The following CNTNAP4 variants were observed in gnomAD, a reference collection of about 807,000 sequenced individuals.
CNTNAP4 encodes the protein contactin associated protein family member 4, also known as contactin-associated protein-like 4.
A neutral mutation model predicts 148.4 loss-of-function variants in CNTNAP4; 98 were observed. That is an observed-to-expected ratio of 0.66 (90% CI 0.56 to 0.78). The LOEUF (loss-of-function observed/expected upper bound fraction) is 0.78. Ranked by LOEUF, CNTNAP4 falls within the 30% of genes least tolerant of loss-of-function variation. CNTNAP4 has a pLI of 0.00. For missense variants in CNTNAP4, 1,935 were observed against 1,565.6 expected, an observed-to-expected ratio of 1.24 and a Z score of -3.98; for synonymous variants, 730 against 565.1, an observed-to-expected ratio of 1.29 and a Z score of -4.14.
chr16:76,438,681 A>G (rs1021805728), intron 4 of CNTNAP4, among the ~76,000 whole-genome samples: 1 of 152,002 alleles, frequency 6.6e-6, no homozygotes, highest in African/African-American at 2.4e-5. Flanking sequence ...CCAGCTCGCC[A>G]CTGTCTCTCC....
intron 1 of CNTNAP4, among the ~76,000 whole-genome samples, chr16:76,298,690 G>C (rs889869191): frequency 6.6e-6 from 1 of 152,114 alleles, no homozygotes; most frequent in African/African-American, 2.4e-5. Flanking sequence ...AGCTCTCCAA[G>C]GGCTCAGTTG....
intron 2 of CNTNAP4, among the ~76,000 whole-genome samples, chr16:76,350,600 T>G (rs1240152020): frequency 6.6e-6 from 1 of 152,198 alleles, no homozygotes; most frequent in Non-Finnish European, 1.5e-5. Flanking sequence ...TTACAAAATT[T>G]TTTCAAAGCT....
rs1385114846 is a variant in CNTNAP4, at chr16:76,553,891, C to T, written c.3717C>T (p.Asp1239=). The change falls in exon 23 of 24, where the codon GAC becomes GAT. Residue 1239 remains aspartate, a synonymous_variant. Transcript: ENST00000611870. ...CCCTTGCTAATGCAATCAAAAGTGA[C>T]TCTGCAGTAATTGGAGGTAATAAGA... ...REPLANAIKS[D]SAVIGGLIAV... 6 of 1,605,758 alleles carry T rather than the reference C, an allele frequency of 3.7e-6. No homozygotes were observed. In the African/African-American group the frequency reaches 8.0e-5, roughly 21 times the overall value.
chr16:76,314,901 A>T (rs765982119), intron 1 of CNTNAP4, among the ~76,000 whole-genome samples: 7 of 151,046 alleles, frequency 4.6e-5, no homozygotes, highest in African/African-American at 9.7e-5. Context: ...TATAATTTTC[A>T]TTTTTTTTTG....
At chr16:76,493,577 A>G (rs903048936) in intron 13 of CNTNAP4, among the ~76,000 whole-genome samples, 29 of 152,102 alleles carry the variant, frequency 1.9e-4, no homozygotes, top group Non-Finnish European at 3.4e-4. Flanking sequence ...TGAAATTTAG[A>G]TGTGGGAATA....
Position 76,455,115 on chromosome 16 carries a change from G to A in CNTNAP4, c.1333+2346G>A, listed in dbSNP as rs147191269. 1.2e-4 allele frequency among the ~76,000 whole-genome samples: 18 copies of A among 152,254 alleles called. No individual in the cohort carries two copies. In the East Asian group the frequency reaches 3.5e-3, roughly 29 times the overall value. On this transcript the variant is annotated intron_variant, in intron 8 of 23. Coordinates refer to ENST00000611870, the MANE Select transcript of CNTNAP4 (RefSeq NM_033401.5). The stretch of plus-strand genomic sequence containing the variant: ...AACACATTATATTAGTATAAATCAT[G>A]AAACATATTAGCATCACTATAAAAT...
chr16:76,418,629 C>T (rs1371485773), intron 3 of CNTNAP4, among the ~76,000 whole-genome samples: 1 of 151,690 alleles, frequency 6.6e-6, no homozygotes, highest in Non-Finnish European at 1.5e-5. Context: ...GACCCCTTAG[C>T]ATATCAATCA....
intron 4 of CNTNAP4, among the ~76,000 whole-genome samples, chr16:76,446,863 T>C (rs968693639): frequency 6.6e-6 from 1 of 152,116 alleles, no homozygotes; most frequent in Non-Finnish European, 1.5e-5. Flanking sequence ...TTTTGAGATA[T>C]CAAAACCACT....
In CNTNAP4 at chr16:76,540,783, G is replaced by T. The variant is rs1160837870; in HGVS notation, c.3435G>T (p.Arg1145Ser). 3.8e-6 allele frequency: 6 copies of T among 1,562,834 alleles called. No homozygotes were observed. The highest frequency in any genetic ancestry group is 1.9e-5 in the Admixed American group (1 of 53,492). Reference sequence around the variant, plus strand: ...CAGTCAAATCTCTGGTATTGGGCAGGATTTTAGGTAAGTGAAAGAAACAAC... The same window carrying T: ...CAGTCAAATCTCTGGTATTGGGCAGTATTTTAGGTAAGTGAAAGAAACAAC... ...FSAVKSLVLG[R>S]ILEHSDVDQD... Residue 1145 changes from arginine to serine, a missense_variant, in exon 21 of 24, where the codon AGG (arginine) becomes AGT (serine). Coordinates refer to ENST00000611870, the MANE Select transcript of CNTNAP4 (RefSeq NM_033401.5).
intron 1 of CNTNAP4, among the ~76,000 whole-genome samples, chr16:76,301,016 G>C (rs546176376): frequency 1.6e-3 from 235 of 151,530 alleles, no homozygotes; most frequent in African/African-American, 5.5e-3. Flanking sequence ...TACATACTTG[G>C]TCAGTTTAAC....
intron 1 of CNTNAP4, among the ~76,000 whole-genome samples, chr16:76,280,160 C>G (rs1356896844): frequency 6.6e-6 from 1 of 152,126 alleles, no homozygotes; most frequent in African/African-American, 2.4e-5. Flanking sequence ...GACTTTTCCC[C>G]TTTATTTACA....
intron 17 of CNTNAP4, among the ~76,000 whole-genome samples, chr16:76,529,696 G>C (rs1033965060): frequency 6.6e-6 from 1 of 152,176 alleles, no homozygotes; most frequent in African/African-American, 2.4e-5. Flanking sequence ...GACATAGTCA[G>C]AAGTAACTTG....
intron 13 of CNTNAP4, among the ~76,000 whole-genome samples, chr16:76,492,681 G>A (rs1179231043): frequency 1.3e-5 from 2 of 152,176 alleles, no homozygotes; most frequent in Non-Finnish European, 1.5e-5. Context: ...TAAGTCTCAT[G>A]AGATCTTATG....
chr16:76,410,445 A>C (rs1365222861), intron 3 of CNTNAP4, among the ~76,000 whole-genome samples: 1 of 151,642 alleles, frequency 6.6e-6, no homozygotes, highest in African/African-American at 2.4e-5. Context: ...TATGTGAGCC[A>C]TTTACTGGTT....
chr16:76,314,003 T>A (rs933929036), intron 1 of CNTNAP4, among the ~76,000 whole-genome samples: 2 of 152,170 alleles, frequency 1.3e-5, no homozygotes, highest in Non-Finnish European at 2.9e-5. Flanking sequence ...GCTGAATAAA[T>A]TAAACATGTA....
intron 9 of CNTNAP4, among the ~76,000 whole-genome samples, chr16:76,465,077 A>T (rs1213583661): frequency 6.6e-6 from 1 of 152,140 alleles, no homozygotes; most frequent in Non-Finnish European, 1.5e-5. Context: ...CAATGAACTG[A>T]CTACAGCACT....
In CNTNAP4 at chr16:76,553,435, G is replaced by C. The variant is rs531434558; in HGVS notation, c.3595G>C (p.Glu1199Gln). The change falls in exon 22 of 24, where the codon GAG (glutamate) becomes CAG (glutamine). Residue 1199 changes from glutamate to glutamine, a missense_variant. Physicochemically the swap from Glu to Gln is conservative, Grantham distance 29. Transcript: ENST00000611870. ...DPVTVTGHVT[E>Q]SSCMAQPGTD... ...TGTCACTGTTACAGGACACGTGACTGAGTCCAGCTGTATGGCCCAGCCTGG... is the reference window on the plus strand; with the variant it reads ...TGTCACTGTTACAGGACACGTGACTCAGTCCAGCTGTATGGCCCAGCCTGG... The C allele has an allele frequency of 6.2e-7, 1 of 1,612,542 alleles. No individual in the cohort carries two copies. The highest frequency in any genetic ancestry group is 8.5e-7 in the Non-Finnish European group (1 of 1,179,382).
chr16:76,430,088 T>G (rs1046168176), intron 4 of CNTNAP4, among the ~76,000 whole-genome samples: 1 of 152,232 alleles, frequency 6.6e-6, no homozygotes, highest in African/African-American at 2.4e-5. Context: ...TTGGCTTTTA[T>G]ACCTCAATTA....
chr16:76,371,980 C>G (rs2014876511), intron 3 of CNTNAP4, among the ~76,000 whole-genome samples: 1 of 152,188 alleles, frequency 6.6e-6, no homozygotes, highest in Admixed American at 6.5e-5. Flanking sequence ...GTTCTTACTT[C>G]CAATGACATC....
Sources: allele counts gnomAD v4.1 joint callset (sites outside exome capture counted in the v4.1 genomes callset), GRCh38; gene constraint gnomAD v4.1.1; transcripts MANE v1.5; gene names NCBI Gene and HGNC (gene_info 2026-07-23, HGNC 2026-07-21).